DNAJC3: variants seen among roughly 807,000 people sequenced by gnomAD.
DNAJC3 encodes the protein DnaJ heat shock protein family (Hsp40) member C3, also known as dnaJ homolog subfamily C member 3.
In DNAJC3, 38 loss-of-function variants were observed where a neutral mutation model predicts 68.6. The observed-to-expected ratio is 0.55, with a 90% CI of 0.43 to 0.73. The LOEUF (loss-of-function observed/expected upper bound fraction) is 0.73. Among genes scored for constraint, DNAJC3 ranks in the 30% least tolerant of loss-of-function variants. The pLI, the probability that DNAJC3 is intolerant of heterozygous loss-of-function variation, is 0.00. For synonymous variants in DNAJC3, 203 were observed against 204.0 expected, an observed-to-expected ratio of 1.00 and a Z score of 0.04; for missense variants, 526 against 591.9, an observed-to-expected ratio of 0.89 and a Z score of 1.16.
At chr13:95,680,456 T>C (rs756286745) in intron 1 of DNAJC3, among the ~76,000 whole-genome samples, 1 of 152,236 alleles carries the variant, frequency 6.6e-6, no homozygotes, top group Non-Finnish European at 1.5e-5. Context: ...TTCTAGGATT[T>C]TCTTGACATT....
chr13:95,683,806 C>T lies in DNAJC3; in HGVS notation c.82+6469C>T, dbSNP rs537499305. On this transcript the variant is annotated intron_variant, in intron 1 of 11. Transcript: ENST00000602402. ...AAACTTAGCCTGTTGTGGAGGTGGG[C>T]GCCTGAAATCCCAGCTACTTGGGAG... Among the ~76,000 whole-genome samples the T allele has an allele frequency of 1.8e-4, 27 of 151,150 alleles. No homozygotes were observed. The East Asian group carries it at 2.5e-3, about 14-fold the overall frequency.
chr13:95,784,163 T>C (rs1254108682), intron 9 of DNAJC3, among the ~76,000 whole-genome samples: 3 of 152,230 alleles, frequency 2.0e-5, no homozygotes, highest in African/African-American at 7.2e-5. Context: ...CCTAGTGAAA[T>C]GCATTTTCAT....
At position 95,790,976 on chromosome 13, in the gene DNAJC3, G is replaced by A; in HGVS notation, c.1461G>A (p.Gly487=). Residue 487 remains glycine (G), a synonymous_variant, in exon 12 of 12, where the codon GGG becomes GGA. Coordinates refer to ENST00000602402, the MANE Select transcript of DNAJC3 (RefSeq NM_006260.5). The stretch of plus-strand genomic sequence containing the variant: ...ACAGAAGCTGGAACTCATGGCAAGG[G>A]TTCAATCCCTTCAGCTCAGGCGGAC... The part of the protein sequence containing the change: ...PFHRSWNSWQ[G]FNPFSSGGPF... The A allele has an allele frequency of 6.2e-7, 1 of 1,613,560 alleles. No individual in the cohort carries two copies. Among genetic ancestry groups the A allele is most frequent in the Non-Finnish European group, 8.5e-7 (1 of 1,179,870 alleles).
chr13:95,706,308 A>G (rs1480273611), intron 1 of DNAJC3, among the ~76,000 whole-genome samples: 1 of 152,210 alleles, frequency 6.6e-6, no homozygotes, highest in East Asian at 1.9e-4. Context: ...CATTCTAGTA[A>G]AACTTTAGTT....
At chr13:95,696,577 A>T (rs189442076) in intron 1 of DNAJC3, among the ~76,000 whole-genome samples, 4,212 of 152,044 alleles carry the variant, frequency 0.028, 87 homozygotes, top group Middle Eastern at 0.095. Flanking sequence ...TTAAAAAAAA[A>T]TTTTAAATTG....
At chr13:95,769,929 C>G (rs752694139) in intron 9 of DNAJC3, among the ~76,000 whole-genome samples, 1 of 152,102 alleles carries the variant, frequency 6.6e-6, no homozygotes, top group African/African-American at 2.4e-5. Context: ...GAAACAGTTA[C>G]AATAGTCAAG....
chr13:95,679,033 A>T (rs1289963741), intron 1 of DNAJC3, among the ~76,000 whole-genome samples: 1 of 152,132 alleles, frequency 6.6e-6, no homozygotes, highest in African/African-American at 2.4e-5. Flanking sequence ...CTTATTCACG[A>T]AAGCGTGTGG....
At chr13:95,751,696 TAGG>T (rs1882484157) in intron 4 of DNAJC3, among the ~76,000 whole-genome samples, 1 of 152,160 alleles carries the variant, frequency 6.6e-6, no homozygotes. Flanking sequence ...GTGTTACAAT[TAGG>T]AGACATTAGC....
chr13:95,738,545 T>A (rs1882011662), intron 4 of DNAJC3, among the ~76,000 whole-genome samples: 1 of 152,192 alleles, frequency 6.6e-6, no homozygotes, highest in African/African-American at 2.4e-5. Context: ...AGTTAGCTCT[T>A]CTTGTTGAAT....
At chr13:95,733,213 A>G (rs751997818) in intron 4 of DNAJC3, among the ~76,000 whole-genome samples, 13 of 152,050 alleles carry the variant, frequency 8.5e-5, no homozygotes, top group Non-Finnish European at 1.3e-4. Flanking sequence ...TGATCTATGT[A>G]ATGCTGAGAG....
At chr13:95,713,183 C>T (rs894343916) in intron 2 of DNAJC3, among the ~76,000 whole-genome samples, 15 of 152,008 alleles carry the variant, frequency 9.9e-5, no homozygotes, top group African/African-American at 2.7e-4. Flanking sequence ...AGTGTGAGAA[C>T]GAACTAATAC....
intron 4 of DNAJC3, among the ~76,000 whole-genome samples, chr13:95,726,310 A>G (rs7333576): frequency 0.017 from 2,594 of 152,122 alleles, 80 homozygotes; most frequent in African/African-American, 0.06. Flanking sequence ...AAGTGTTCCT[A>G]TTTTTCCACA....
chr13:95,765,923 AAGAG>A (rs576477175), intron 9 of DNAJC3, among the ~76,000 whole-genome samples: 65 of 152,088 alleles, frequency 4.3e-4, no homozygotes, highest in Non-Finnish European at 8.5e-4. Context: ...GAATTTATTA[AAGAG>A]AGAGAGAGAA....
At chr13:95,777,425 C>T (rs552861309) in intron 9 of DNAJC3, among the ~76,000 whole-genome samples, 1 of 152,304 alleles carries the variant, frequency 6.6e-6, no homozygotes, top group Admixed American at 6.5e-5. Context: ...TTTTCTTAAT[C>T]TGTTTTGGTC....
chr13:95,741,690 G>C (rs1389290174), intron 4 of DNAJC3, among the ~76,000 whole-genome samples: 1 of 152,156 alleles, frequency 6.6e-6, no homozygotes, highest in Admixed American at 6.5e-5. Flanking sequence ...GTCTGAGGTG[G>C]TCTTGGCGAT....
At position 95,681,529 on chromosome 13, in the gene DNAJC3, A is replaced by C. The variant is rs894513443; in HGVS notation, c.82+4192A>C. ...CTGCATCCCCTACTAAGTTTTTAAAATTTTTTGTAGGGACAGGGTCTTCTA... is the reference window on the plus strand; with the variant it reads ...CTGCATCCCCTACTAAGTTTTTAAACTTTTTTGTAGGGACAGGGTCTTCTA... On this transcript the variant is annotated intron_variant, in intron 1 of 11. Transcript: ENST00000602402. Among the ~76,000 whole-genome samples the C allele has an allele frequency of 2.0e-5, 3 of 151,718 alleles. No individual in the cohort carries two copies. In the East Asian group the frequency reaches 5.8e-4, roughly 30 times the overall value.
intron 4 of DNAJC3, among the ~76,000 whole-genome samples, chr13:95,739,018 G>T (rs1208287561): frequency 6.6e-6 from 1 of 151,950 alleles, no homozygotes; most frequent in Non-Finnish European, 1.5e-5. Context: ...GGGCAGGCCT[G>T]GTGGTGACAG....
At chr13:95,690,700 G>A in intron 1 of DNAJC3, among the ~76,000 whole-genome samples, 1 of 145,762 alleles carries the variant, frequency 6.9e-6, no homozygotes, top group Non-Finnish European at 1.5e-5. Context: ...GGGGCGGCTG[G>A]CTGGGCAGAG....
intron 11 of DNAJC3, 86 bp from the exon 12 acceptor site, chr13:95,790,787 C>G: frequency 7.3e-7 from 1 of 1,372,828 alleles, no homozygotes; most frequent in Non-Finnish European, 1.0e-6. Flanking sequence ...TCAAGCCCAC[C>G]CACCCTCCTC....
Sources: allele counts gnomAD v4.1 joint callset (sites outside exome capture counted in the v4.1 genomes callset), GRCh38; gene constraint gnomAD v4.1.1; transcripts MANE v1.5; gene names NCBI Gene and HGNC (gene_info 2026-07-23, HGNC 2026-07-21).